Variants in PDSS2 observed in about 807,000 individuals in gnomAD.
PDSS2 encodes all trans-polyprenyl-diphosphate synthase PDSS2.
A neutral mutation model predicts 44.5 loss-of-function variants in PDSS2; 31 were observed. The observed-to-expected ratio is 0.70, with a 90% CI of 0.52 to 0.94. The LOEUF is 0.94. Ranked by LOEUF, PDSS2 falls within the 40% of genes least tolerant of loss-of-function variation. The pLI, the probability that PDSS2 is intolerant of heterozygous loss-of-function variation, is 0.00. For synonymous variants in PDSS2, 157 were observed against 180.3 expected (o/e 0.87, Z 1.03); for missense variants, 452 against 482.2 (o/e 0.94, Z 0.59).
chr6:107,416,945 C>T (rs1780680090), intron 1 of PDSS2, among the ~76,000 whole-genome samples: 2 of 151,794 alleles, frequency 1.3e-5, no homozygotes, highest in Non-Finnish European at 2.9e-5. Context: ...AAGCACTTAT[C>T]TGGGCGGGTG....
intron 3 of PDSS2, among the ~76,000 whole-genome samples, chr6:107,265,113 T>C (rs1775372183): frequency 6.6e-6 from 1 of 152,214 alleles, no homozygotes; most frequent in Non-Finnish European, 1.5e-5. Context: ...AGAGGATTAA[T>C]AAACAATTTC....
intron 1 of PDSS2, among the ~76,000 whole-genome samples, chr6:107,420,230 C>G (rs1007307404): frequency 6.6e-6 from 1 of 152,208 alleles, no homozygotes. Flanking sequence ...CTCTGCTCAA[C>G]TGGATGTTCA....
intron 3 of PDSS2, among the ~76,000 whole-genome samples, chr6:107,259,867 T>C (rs1397900992): frequency 6.6e-6 from 1 of 152,174 alleles, no homozygotes; most frequent in Non-Finnish European, 1.5e-5. Context: ...CCCAAGAGTG[T>C]AGCTAAAACT....
rs1409743524 is a variant in PDSS2 at position 107,154,586 on chromosome 6, GCTAA to G, written c.*29_*32del. On this transcript the variant is annotated 3_prime_UTR_variant, in exon 8 of 8. Coordinates refer to ENST00000369037, the MANE Select transcript of PDSS2 (RefSeq NM_020381.4). ...TCAACCTCATTCCCTAGGATTTTCA[GCTAA>G]CTAACAATAGTGTCTTTTTAATTTG... 1.9e-6 allele frequency: 3 copies of G among 1,607,582 alleles called. No homozygotes were observed. The highest frequency in any genetic ancestry group is 1.7e-5 in the Admixed American group (1 of 59,980).
intron 7 of PDSS2, among the ~76,000 whole-genome samples, chr6:107,170,960 A>G (rs1554248447): frequency 6.6e-6 from 1 of 152,140 alleles, no homozygotes. Context: ...CTTTGCAACA[A>G]TCAAATTAAA....
intron 1 of PDSS2, among the ~76,000 whole-genome samples, chr6:107,440,290 C>A (rs1345871936): frequency 6.6e-6 from 1 of 152,186 alleles, no homozygotes; most frequent in Admixed American, 6.5e-5. Flanking sequence ...TACCTGTGTG[C>A]CAGTGTGATA....
chr6:107,297,052 C>CTA (rs1428800028), intron 2 of PDSS2, among the ~76,000 whole-genome samples: 5 of 152,274 alleles, frequency 3.3e-5, no homozygotes, highest in African/African-American at 1.2e-4. Context: ...TTACAATGGT[C>CTA]TAGATCTGGG....
chr6:107,204,205 T>A (rs1011207067), intron 6 of PDSS2, among the ~76,000 whole-genome samples: 1 of 152,104 alleles, frequency 6.6e-6, no homozygotes. Flanking sequence ...CTTCCCAAAG[T>A]GCTGGGATTA....
intron 4 of PDSS2, among the ~76,000 whole-genome samples, chr6:107,235,702 T>C (rs900023705): frequency 3.3e-5 from 5 of 151,942 alleles, no homozygotes; most frequent in African/African-American, 1.2e-4. Flanking sequence ...CAACCCATAA[T>C]GAGGGAGAAA....
At chr6:107,223,975 G>A (rs1056226393) in intron 4 of PDSS2, among the ~76,000 whole-genome samples, 1 of 151,250 alleles carries the variant, frequency 6.6e-6, no homozygotes, top group African/African-American at 2.5e-5. Context: ...TGTCAGATCA[G>A]CATGGGCATT....
At chr6:107,235,934 A>C (rs989805255) in intron 4 of PDSS2, among the ~76,000 whole-genome samples, 5 of 152,326 alleles carry the variant, frequency 3.3e-5, no homozygotes, top group African/African-American at 1.2e-4. Context: ...AAGAAGAAGA[A>C]TCAGTGACTC....
intron 1 of PDSS2, among the ~76,000 whole-genome samples, chr6:107,445,228 G>A: frequency 6.6e-6 from 1 of 151,308 alleles, no homozygotes; most frequent in South Asian, 2.1e-4. Context: ...ATTACATTTA[G>A]TTAGGGAAAC....
intron 1 of PDSS2, among the ~76,000 whole-genome samples, chr6:107,424,409 T>C (rs1780924582): frequency 6.6e-6 from 1 of 152,158 alleles, no homozygotes; most frequent in African/African-American, 2.4e-5. Context: ...TGCAGGAACC[T>C]TTTTTACCTC....
chr6:107,213,015 C>G (rs1289020533), intron 4 of PDSS2, among the ~76,000 whole-genome samples: 1 of 151,706 alleles, frequency 6.6e-6, no homozygotes, highest in Admixed American at 6.6e-5. Flanking sequence ...TTTCTCTCCC[C>G]CTCTTTTTAT....
At chr6:107,243,308 G>C (rs1292015897) in intron 4 of PDSS2, among the ~76,000 whole-genome samples, 1 of 152,138 alleles carries the variant, frequency 6.6e-6, no homozygotes, top group African/African-American at 2.4e-5. Flanking sequence ...CTTTTCATAG[G>C]TGATTGTGTA....
chr6:107,180,141 T>A (rs1009794722), intron 7 of PDSS2, among the ~76,000 whole-genome samples: 1 of 152,094 alleles, frequency 6.6e-6, no homozygotes, highest in Admixed American at 6.6e-5. Context: ...TTTAAAACAG[T>A]TTTAATGGAC....
intron 1 of PDSS2, among the ~76,000 whole-genome samples, chr6:107,419,793 A>G (rs906065546): frequency 4.6e-5 from 7 of 152,246 alleles, no homozygotes; most frequent in Admixed American, 3.3e-4. Context: ...AGTCTTATGC[A>G]TCTTTTGGTT....
intron 4 of PDSS2, among the ~76,000 whole-genome samples, chr6:107,229,318 C>A (rs1773953028): frequency 6.6e-6 from 1 of 152,110 alleles, no homozygotes; most frequent in Non-Finnish European, 1.5e-5. Context: ...TCCAGAGTAG[C>A]TGGGGTTACA....
At chr6:107,438,764 T>C (rs1322082690) in intron 1 of PDSS2, among the ~76,000 whole-genome samples, 1 of 152,226 alleles carries the variant, frequency 6.6e-6, no homozygotes, top group East Asian at 1.9e-4. Context: ...CATACTGGCT[T>C]TGAGCTAACA....
Sources: allele counts gnomAD v4.1 joint callset (sites outside exome capture counted in the v4.1 genomes callset), GRCh38; gene constraint gnomAD v4.1.1; transcripts MANE v1.5; gene names NCBI Gene and HGNC (gene_info 2026-07-23, HGNC 2026-07-21).